RFPL2: variants seen among roughly 807,000 people sequenced by gnomAD.
RFPL2 encodes the protein ret finger protein like 2.
A neutral mutation model predicts 17.8 loss-of-function variants in RFPL2; 13 were observed. That is an observed-to-expected ratio of 0.73 (90% confidence interval 0.47 to 1.16). The LOEUF is 1.16. Ranked by LOEUF, RFPL2 falls within the 50% of genes most tolerant of loss-of-function variation. The pLI is 0.00. For synonymous variants in RFPL2, 189 were observed against 180.9 expected (o/e 1.04, Z -0.36); for missense variants, 431 against 479.3 (o/e 0.90, Z 0.94).
chr22:32,203,992 C>T (rs143562945), intron 1 of RFPL2, among the ~76,000 whole-genome samples: 4 of 151,236 alleles, frequency 2.6e-5, no homozygotes, highest in Admixed American at 6.6e-5. Flanking sequence ...GATAGTGCAT[C>T]CAACCCATTC....
chr22:32,194,129 C>T, intron 3 of RFPL2, among the ~76,000 whole-genome samples: 1 of 152,142 alleles, frequency 6.6e-6, no homozygotes, highest in East Asian at 1.9e-4. Flanking sequence ...AAATTACATC[C>T]TTCTCCAGCC....
rs73392983 is a variant in RFPL2 at position 32,198,473 on chromosome 22, A to G, written c.119+3860T>C. ...TTTGGCTTTCCTGAATCACGGCTGC[A>G]AGTGGGGGCTGGGGAGGGGGGCGTA... On this transcript the variant is annotated intron_variant, in intron 2 of 4. Transcript: ENST00000652607. Among the ~76,000 whole-genome samples, 860 of 146,392 alleles carry G rather than the reference A, an allele frequency of 5.9e-3. 8 individuals carry two copies. The highest frequency in any genetic ancestry group is 0.019 in the African/African-American group (781 of 40,458).
At chr22:32,196,816 G>A (rs531982525) in intron 2 of RFPL2, among the ~76,000 whole-genome samples, 2 of 152,186 alleles carry the variant, frequency 1.3e-5, no homozygotes, top group Non-Finnish European at 2.9e-5. Context: ...AGGGCACAGA[G>A]AGCCAGCAAA....
intron 3 of RFPL2, chr22:32,193,581 GC>G: frequency 9.3e-7 from 1 of 1,071,910 alleles, no homozygotes; most frequent in Non-Finnish European, 1.2e-6. Flanking sequence ...GGGCTGGGAG[GC>G]CGGGCACGAT....
chr22:32,191,459 T>C, intron 4 of RFPL2, 107 bp from the exon 5 acceptor site: 2 of 1,389,516 alleles, frequency 1.4e-6, no homozygotes, highest in Non-Finnish European at 1.9e-6. Flanking sequence ...TCTTTAATTC[T>C]CTTCTTCCCC....
chr22:32,193,210 C>T lies in RFPL2; in HGVS notation c.266-18G>A, dbSNP rs1922904737. ...CATGTCCACTGCCAGGGGAAAAGTA[C>T]ACAAGGTAAAAAAATTTCCATGAGG... On this transcript the variant is annotated intron_variant, in intron 3 of 4. Transcript: ENST00000652607. The T allele has an allele frequency of 6.2e-7, 1 of 1,613,900 alleles. No homozygotes were observed. The highest frequency in any genetic ancestry group is 8.5e-7 in the Non-Finnish European group (1 of 1,179,848).
chr22:32,193,976 C>G (rs1923033998), intron 3 of RFPL2, among the ~76,000 whole-genome samples: 1 of 151,788 alleles, frequency 6.6e-6, no homozygotes, highest in Non-Finnish European at 1.5e-5. Flanking sequence ...AGTTTGAGAC[C>G]AGTCTGGGCA....
chr22:32,202,981 C>A, intron 1 of RFPL2: 1 of 985,916 alleles, frequency 1.0e-6, no homozygotes, highest in Non-Finnish European at 1.2e-6. Context: ...GGGGCCCCTG[C>A]CGCGCTCAGG....
In RFPL2 at chr22:32,201,509, G is replaced by T. The variant is rs368428871; in HGVS notation, c.119+824C>A. On this transcript the variant is annotated intron_variant, in intron 2 of 4. Coordinates refer to ENST00000652607, the MANE Select transcript of RFPL2 (RefSeq NM_001394555.1). ...ACACATGCACAGGTGACCTGTGTCT[G>T]TAAGTGCACCTACAGCTGCCTGGCA... Among the ~76,000 whole-genome samples the T allele has an allele frequency of 7.2e-5, 11 of 152,236 alleles. No individual in the cohort carries two copies. In the East Asian group the frequency reaches 7.7e-4, roughly 11 times the overall value.
At position 32,204,864 on chromosome 22, in the gene RFPL2, T is replaced by A. The variant is rs1249833560; in HGVS notation, c.-257A>T. On this transcript the variant is annotated 5_prime_UTR_variant, in exon 1 of 5. Coordinates refer to ENST00000652607, the MANE Select transcript of RFPL2 (RefSeq NM_001394555.1). ...AGGTCTACTCTGATTGTGCTTTATTTTCACGTTCTGACTGGATGACAGCAA... is the reference window on the plus strand; with the variant it reads ...AGGTCTACTCTGATTGTGCTTTATTATCACGTTCTGACTGGATGACAGCAA... Among the ~76,000 whole-genome samples the A allele has an allele frequency of 6.6e-6, 1 of 152,236 alleles. No individual in the cohort carries two copies. The highest frequency in any genetic ancestry group is 1.5e-5 in the Non-Finnish European group (1 of 68,036).
intron 1 of RFPL2, chr22:32,202,835 G>A: frequency 9.5e-7 from 1 of 1,056,646 alleles, no homozygotes; most frequent in Non-Finnish European, 1.1e-6. Context: ...CCCAAGTGCC[G>A]GTTCCCGTTC....
chr22:32,200,981 T>C (rs997485764), intron 2 of RFPL2, among the ~76,000 whole-genome samples: 1 of 151,470 alleles, frequency 6.6e-6, no homozygotes, highest in Non-Finnish European at 1.5e-5. Context: ...TTGTGAAAGA[T>C]AGTATCTGAG....
chr22:32,202,599 G>A (rs1603212525), intron 1 of RFPL2, 49 bp from the exon 2 acceptor site: 2 of 1,432,992 alleles, frequency 1.4e-6, no homozygotes, highest in South Asian at 1.5e-5. Context: ...TTGTCATGCT[G>A]GCCACTGGGT....
At chr22:32,199,295 CA>C (rs1923675654) in intron 2 of RFPL2, among the ~76,000 whole-genome samples, 1 of 152,090 alleles carries the variant, frequency 6.6e-6, no homozygotes, top group Non-Finnish European at 1.5e-5. Flanking sequence ...CTGTGGGAGG[CA>C]CCCCTAGAAC....
intron 2 of RFPL2, among the ~76,000 whole-genome samples, chr22:32,196,113 T>A (rs1923307313): frequency 6.6e-6 from 1 of 152,190 alleles, no homozygotes; most frequent in African/African-American, 2.4e-5. Context: ...AGTGAGAACA[T>A]GCGGTATTTA....
chr22:32,204,027 G>C (rs1199896680), intron 1 of RFPL2, among the ~76,000 whole-genome samples: 1 of 149,030 alleles, frequency 6.7e-6, no homozygotes, highest in Non-Finnish European at 1.5e-5. Context: ...CTCCCACCGA[G>C]TCAACCACCG....
At chr22:32,198,591 C>T (rs563566451) in intron 2 of RFPL2, among the ~76,000 whole-genome samples, 7 of 152,062 alleles carry the variant, frequency 4.6e-5, no homozygotes, top group South Asian at 4.2e-4. Context: ...TGAGTCTCTT[C>T]TTCCCTCTCC....
Position 32,193,112 on chromosome 22 carries a change from A to T in RFPL2, c.346T>A (p.Cys116Ser). ...CACTTGAGGCAGACGGCGCATCCAC[A>T]CTCCAGGGACATTGGTTTTTCCAGA... is the stretch of plus-strand genomic sequence containing the variant. ...DYLEKPMSLE[C>S]GCAVCLKCIN... The change falls in exon 4 of 5, where the codon TGT (cysteine) becomes AGT (serine). Residue 116 changes from cysteine to serine, a missense_variant. Physicochemically the swap from Cys to Ser is moderately radical, Grantham distance 112. Coordinates refer to ENST00000652607, the MANE Select transcript of RFPL2 (RefSeq NM_001394555.1). The T allele has an allele frequency of 6.2e-7, 1 of 1,613,766 alleles. No individual in the cohort carries two copies. Among genetic ancestry groups the T allele is most frequent in the African/African-American group, 1.3e-5 (1 of 74,938 alleles).
At chr22:32,199,956 G>A (rs539710124) in intron 2 of RFPL2, 82 of 538,026 alleles carry the variant, frequency 1.5e-4, no homozygotes, top group Admixed American at 8.7e-4. Context: ...CTCTGTTCCC[G>A]TCCTCCTCTG....
Sources: gnomAD v4.1 joint callset for allele counts (sites outside exome capture counted in the v4.1 genomes callset) on GRCh38, gnomAD v4.1.1 for gene constraint, MANE v1.5 for transcripts, NCBI Gene and HGNC (gene_info 2026-07-23, HGNC 2026-07-21) for gene names.